SLC26A2: variants seen among roughly 807,000 people sequenced by gnomAD.
SLC26A2 encodes the protein solute carrier family 26 member 2, also known as sulfate transporter.
Under a neutral mutation model 41.1 loss-of-function variants are expected in SLC26A2, and 36 were observed. The ratio of observed to expected loss-of-function variants is 0.88; its 90% CI spans 0.67 to 1.16. The LOEUF (loss-of-function observed/expected upper bound fraction) is 1.16, where lower values mean the gene tolerates loss of function less well. Among genes scored for constraint, SLC26A2 ranks in the 50% most tolerant of loss-of-function variants. The probability of loss-of-function intolerance (pLI) is 0.00; values close to 1 mark genes in which losing one functional copy is unlikely to be tolerated. For missense variants in SLC26A2, 796 were observed against 869.6 expected (o/e 0.92, Z 1.07); for synonymous variants, 291 against 311.6 (o/e 0.93, Z 0.70).
intron 1 of SLC26A2, among the ~76,000 whole-genome samples, chr5:149,962,723 G>T (rs1394253467): frequency 1.3e-5 from 2 of 152,190 alleles, no homozygotes; most frequent in Non-Finnish European, 2.9e-5. Context: ...GCAGATGCTT[G>T]CCAAGCTTAA....
intron 1 of SLC26A2, among the ~76,000 whole-genome samples, chr5:149,965,078 A>G (rs1483105093): frequency 6.6e-6 from 1 of 152,232 alleles, no homozygotes; most frequent in Non-Finnish European, 1.5e-5. Flanking sequence ...TGTTCCATGT[A>G]TCATTCTTTC....
In SLC26A2 at chr5:149,986,343, G is replaced by A. The variant is rs1319283003; in HGVS notation, c.*4530G>A. 1 of 151,978 alleles carries A rather than the reference G, an allele frequency of 6.6e-6. No homozygotes were observed. Among genetic ancestry groups the A allele is most frequent in the Non-Finnish European group, 1.5e-5 (1 of 67,982 alleles). 9.4% of individuals were successfully genotyped at this position (151,978 alleles called of 1,614,324 possible). On this transcript the variant is annotated 3_prime_UTR_variant, in exon 3 of 3. Coordinates refer to ENST00000286298, the MANE Select transcript of SLC26A2 (RefSeq NM_000112.4). ...TAACTTGGTTGCTAATTACAAGAATGAAAATTATAATGGAAAAGGACAAAA... is the reference window on the plus strand; with the variant it reads ...TAACTTGGTTGCTAATTACAAGAATAAAAATTATAATGGAAAAGGACAAAA...
chr5:149,973,005 C>A (rs992963774), intron 1 of SLC26A2, among the ~76,000 whole-genome samples: 4 of 151,758 alleles, frequency 2.6e-5, no homozygotes, highest in African/African-American at 9.7e-5. Flanking sequence ...AAATAAGATA[C>A]CATTTCACAT....
At chr5:149,979,273 G>T (rs1755051810) in intron 2 of SLC26A2, among the ~76,000 whole-genome samples, 1 of 152,080 alleles carries the variant, frequency 6.6e-6, no homozygotes, top group Non-Finnish European at 1.5e-5. Flanking sequence ...CTTCTCTAAT[G>T]CAGGCATTTC....
chr5:149,962,598 C>T (rs1312509600), intron 1 of SLC26A2, among the ~76,000 whole-genome samples: 2 of 152,156 alleles, frequency 1.3e-5, no homozygotes, highest in Admixed American at 6.5e-5. Context: ...CTTGGCCTTC[C>T]AAAGTGCTGG....
intron 1 of SLC26A2, among the ~76,000 whole-genome samples, chr5:149,964,392 G>A (rs990811195): frequency 2.0e-5 from 3 of 152,062 alleles, no homozygotes; most frequent in Admixed American, 6.6e-5. Flanking sequence ...ACTCAGGATC[G>A]CTTGAGCCCA....
Position 149,982,071 on chromosome 5 carries a change from A to G in SLC26A2, c.*258A>G, listed in dbSNP as rs1456473326. On this transcript the variant is annotated 3_prime_UTR_variant, in exon 3 of 3. Transcript: ENST00000286298. ...TATTCTTGGAATGCAATAAGTATGT[A>G]TTGAACTGTACTGTAAAGTAGCTCC... 1.4e-5 allele frequency: 7 copies of G among 483,692 alleles called. No homozygotes were observed. Among genetic ancestry groups the G allele is most frequent in the Non-Finnish European group, 2.2e-5 (6 of 270,588 alleles). The allele number at this position is 483,692 out of a possible 1,614,324, so 30.0% of individuals were successfully genotyped here.
intron 1 of SLC26A2, among the ~76,000 whole-genome samples, chr5:149,970,604 A>C (rs911939910): frequency 3.3e-5 from 5 of 152,204 alleles, no homozygotes; most frequent in African/African-American, 1.2e-4. Flanking sequence ...AACTTGAGCA[A>C]GTACAGTGAC....
chr5:149,974,175 T>C (rs1044287603), intron 1 of SLC26A2, among the ~76,000 whole-genome samples: 4 of 152,170 alleles, frequency 2.6e-5, no homozygotes, highest in Non-Finnish European at 4.4e-5. Flanking sequence ...ATTTCTTTGA[T>C]ACAAAGATAC....
chr5:149,981,496 A>G lies in SLC26A2; in HGVS notation c.1903A>G (p.Met635Val). 6.2e-7 allele frequency: 1 copy of G among 1,614,164 alleles called. No homozygotes were observed. Among genetic ancestry groups the G allele is most frequent in the Non-Finnish European group, 8.5e-7 (1 of 1,179,992 alleles). Residue 635 changes from methionine (M) to valine (V), a missense_variant, in exon 3 of 3, where the codon ATG (methionine) becomes GTG (valine). Coordinates refer to ENST00000286298, the MANE Select transcript of SLC26A2 (RefSeq NM_000112.4). Reference sequence around the variant, plus strand: ...GACTCTTGGTGGAATCCAGGATGAAATGTCAGTGCAACTTTCCCATGATCC... The same window carrying G: ...GACTCTTGGTGGAATCCAGGATGAAGTGTCAGTGCAACTTTCCCATGATCC... ...VVTLGGIQDE[M>V]SVQLSHDPLE...
chr5:149,976,414 A>G (rs1754994290), intron 1 of SLC26A2, among the ~76,000 whole-genome samples: 1 of 152,160 alleles, frequency 6.6e-6, no homozygotes, highest in African/African-American at 2.4e-5. Context: ...CATTTGGGCT[A>G]GGGGAGATTG....
At chr5:149,969,284 G>A (rs147581795) in intron 1 of SLC26A2, among the ~76,000 whole-genome samples, 1 of 152,136 alleles carries the variant, frequency 6.6e-6, no homozygotes, top group Non-Finnish European at 1.5e-5. Flanking sequence ...TTCAACAAAC[G>A]TTTATTGAAC....
intron 1 of SLC26A2, among the ~76,000 whole-genome samples, chr5:149,974,446 CAG>C (rs1754957491): frequency 6.7e-6 from 1 of 150,066 alleles, no homozygotes; most frequent in South Asian, 2.1e-4. Flanking sequence ...TTTTTTGAGA[CAG>C]AGTTTTGCTT....
rs1270469845 is a variant in SLC26A2, at chr5:149,960,838, C to T, written c.-167C>T. The T allele has an allele frequency of 2.0e-5, 3 of 152,392 alleles. No homozygotes were observed. Among genetic ancestry groups the T allele is most frequent in the Non-Finnish European group, 4.4e-5 (3 of 68,172 alleles). 9.4% of individuals were successfully genotyped at this position (152,392 alleles called of 1,614,324 possible). ...GTAGGTCCCGGCAGCCGGGCCCCGCCTCCTTCGGAGTCCGAGCGATGGGCG... is the reference window on the plus strand; with the variant it reads ...GTAGGTCCCGGCAGCCGGGCCCCGCTTCCTTCGGAGTCCGAGCGATGGGCG... On this transcript the variant is annotated 5_prime_UTR_variant, in exon 1 of 3. Coordinates refer to ENST00000286298, the MANE Select transcript of SLC26A2 (RefSeq NM_000112.4).
Position 149,987,042 on chromosome 5 carries a change from C to T in SLC26A2, c.*5229C>T, listed in dbSNP as rs1197527366. 1 of 152,180 alleles carries T rather than the reference C, an allele frequency of 6.6e-6. No individual in the cohort carries two copies. The highest frequency in any genetic ancestry group is 1.5e-5 in the Non-Finnish European group (1 of 68,026). The allele number at this position is 152,180 out of a possible 1,614,324, so 9.4% of individuals were successfully genotyped here. A position where few individuals can be genotyped will look rare whatever the true frequency, so the allele number is the denominator to read the frequency against. On this transcript the variant is annotated 3_prime_UTR_variant, in exon 3 of 3. Coordinates refer to ENST00000286298, the MANE Select transcript of SLC26A2 (RefSeq NM_000112.4). ...ACAAACCAAGACAATATCAGGGTGA[C>T]AGGTGAATGAACTTAAATTCTCAGT...
chr5:149,976,947 C>T (rs570210949), intron 1 of SLC26A2, among the ~76,000 whole-genome samples: 2 of 152,318 alleles, frequency 1.3e-5, no homozygotes, highest in African/African-American at 2.4e-5. Flanking sequence ...CTTGGCCCAT[C>T]GACCCTCTTC....
rs569689877 is a variant in SLC26A2 at position 149,986,318 on chromosome 5, T to A, written c.*4505T>A. ...TTTAGATAATCCTGAATGCAATCAT[T>A]AACTTGGTTGCTAATTACAAGAATG... On this transcript the variant is annotated 3_prime_UTR_variant, in exon 3 of 3. Coordinates refer to ENST00000286298, the MANE Select transcript of SLC26A2 (RefSeq NM_000112.4). 5 of 152,290 alleles carry A rather than the reference T, an allele frequency of 3.3e-5. No homozygotes were observed. The highest frequency in any genetic ancestry group is 9.6e-5 in the African/African-American group (4 of 41,566). The allele number at this position is 152,290 out of a possible 1,614,324, so 9.4% of individuals were successfully genotyped here.
Position 149,978,001 on chromosome 5 carries a change from A to G in SLC26A2, c.349A>G (p.Ile117Val). 1 of 1,614,160 alleles carries G rather than the reference A, an allele frequency of 6.2e-7. No individual in the cohort carries two copies. The highest frequency in any genetic ancestry group is 1.3e-5 in the African/African-American group (1 of 75,036). Residue 117 changes from isoleucine to valine, a missense_variant, in exon 2 of 3, where the codon ATT becomes GTT. By Grantham distance (29) the Ile-to-Val change is conservative. Transcript: ENST00000286298. ...NILGDVMSGL[I>V]VGILLVPQSI... ...TTTAGGGGATGTGATGTCAGGCTTG[A>G]TTGTGGGCATATTATTGGTGCCCCA...
At chr5:149,974,648 C>T (rs1032245933) in intron 1 of SLC26A2, among the ~76,000 whole-genome samples, 10 of 150,092 alleles carry the variant, frequency 6.7e-5, no homozygotes, top group African/African-American at 2.2e-4. Context: ...TGGTCTTGAT[C>T]TCTTGACCTT....
Sources: allele counts gnomAD v4.1 joint callset (sites outside exome capture counted in the v4.1 genomes callset), GRCh38; gene constraint gnomAD v4.1.1; transcripts MANE v1.5; gene names NCBI Gene and HGNC (gene_info 2026-07-23, HGNC 2026-07-21).